The following PLA2G5 variants were observed in gnomAD, a reference collection of about 807,000 sequenced individuals.
The protein encoded by PLA2G5 is phospholipase A2 group V.
PLA2G5 carries 12 observed loss-of-function variants against 15.9 expected under a neutral mutation model. The observed-to-expected ratio is 0.76, with a 90% CI of 0.48 to 1.23. The LOEUF (loss-of-function observed/expected upper bound fraction) is 1.23, where lower values mean the gene tolerates loss of function less well. Ranked by LOEUF, PLA2G5 falls within the 50% of genes most tolerant of loss-of-function variation. The pLI is 0.00. For synonymous variants in PLA2G5, 71 were observed against 71.4 expected (o/e 0.99, Z 0.03); for missense variants, 169 against 177.1 (o/e 0.95, Z 0.26).
At position 20,070,228 on chromosome 1, in the gene PLA2G5, T is replaced by C. The variant is rs1261624730; in HGVS notation, c.-248T>C. 4 of 985,264 alleles carry C rather than the reference T, an allele frequency of 4.1e-6. No homozygotes were observed. Among genetic ancestry groups the C allele is most frequent in the African/African-American group, 3.5e-5 (2 of 57,134 alleles). 61.0% of individuals were successfully genotyped at this position (985,264 alleles called of 1,614,324 possible). A position where few individuals can be genotyped will look rare whatever the true frequency, so the allele number is the denominator to read the frequency against. ...CTGAGCAGGGTTCTACCCGGCTGGG[T>C]CCAGGCAGAAGTTTTTCCTCCCCAC... is the stretch of plus-strand genomic sequence containing the variant. On this transcript the variant is annotated 5_prime_UTR_variant, in exon 1 of 5. Transcript: ENST00000375108.
At chr1:20,057,303 A>G (rs1014493773) in intron 1 of PLA2G5, among the ~76,000 whole-genome samples, 64 of 149,282 alleles carry the variant, frequency 4.3e-4, no homozygotes, top group African/African-American at 1.5e-3. Flanking sequence ...AGAAGCTTAG[A>G]TTATTGGTTT....
Position 20,048,748 on chromosome 1 carries a change from G to T in PLA2G5, n.277-10884G>T, listed in dbSNP as rs570496066. The stretch of plus-strand genomic sequence containing the variant: ...GGGTCTGTTATAATTTTGCAGTGGT[G>T]GTTCCATAAGTTTAAATGATGACTA... On this transcript the variant is annotated intron_variant and non_coding_transcript_variant, in intron 1 of 6. Transcript: ENST00000460175. Among the ~76,000 whole-genome samples the T allele has an allele frequency of 4.3e-4, 66 of 152,196 alleles. 1 individual carries two copies. In the South Asian group the frequency reaches 0.014, roughly 32 times the overall value.
chr1:20,032,686 C>A (rs2013024599), intron 1 of PLA2G5, among the ~76,000 whole-genome samples: 1 of 152,074 alleles, frequency 6.6e-6, no homozygotes, highest in African/African-American at 2.4e-5. Context: ...TACAGAAGGT[C>A]CTGGAACTTG....
intron 1 of PLA2G5, among the ~76,000 whole-genome samples, chr1:20,052,233 T>C (rs963044256): frequency 6.8e-6 from 1 of 147,008 alleles, no homozygotes; most frequent in Non-Finnish European, 1.5e-5. Flanking sequence ...TTTCAAAAAA[T>C]ATAGTACACC....
intron 1 of PLA2G5, among the ~76,000 whole-genome samples, chr1:20,059,204 A>G (rs927355570): frequency 1.9e-4 from 29 of 151,746 alleles, no homozygotes; most frequent in Non-Finnish European, 3.2e-4. Flanking sequence ...AGACCAAGGC[A>G]GGAGGATCGC....
At chr1:20,062,353 C>T (rs532131054) in intron 2 of PLA2G5, among the ~76,000 whole-genome samples, 23 of 152,318 alleles carry the variant, frequency 1.5e-4, no homozygotes, top group African/African-American at 5.1e-4. Flanking sequence ...CCACATCCCA[C>T]GCCAGAAAGA....
intron 1 of PLA2G5, among the ~76,000 whole-genome samples, chr1:20,080,890 C>T (rs1044162171): frequency 1.3e-5 from 2 of 151,876 alleles, no homozygotes; most frequent in African/African-American, 4.9e-5. Flanking sequence ...AGACACCTGG[C>T]CCCCTTGGTC....
At chr1:20,082,463 A>G (rs1019265997) in intron 1 of PLA2G5, among the ~76,000 whole-genome samples, 8 of 151,932 alleles carry the variant, frequency 5.3e-5, no homozygotes, top group Non-Finnish European at 1.0e-4. Context: ...CTTCATGCAC[A>G]TGTGTGAGCC....
intron 1 of PLA2G5, among the ~76,000 whole-genome samples, chr1:20,041,009 G>A (rs181653257): frequency 3.4e-4 from 52 of 152,314 alleles, no homozygotes; most frequent in African/African-American, 1.1e-3. Context: ...AACAAACTGT[G>A]CTCTGACTAC....
intron 1 of PLA2G5, among the ~76,000 whole-genome samples, chr1:20,058,809 A>G (rs2014563518): frequency 6.6e-6 from 1 of 152,134 alleles, no homozygotes; most frequent in African/African-American, 2.4e-5. Context: ...GAGGCTGAAG[A>G]TATTAGTAGC....
At chr1:20,073,918 T>C (rs536199825) in intron 1 of PLA2G5, among the ~76,000 whole-genome samples, 1 of 151,666 alleles carries the variant, frequency 6.6e-6, no homozygotes, top group South Asian at 2.1e-4. Flanking sequence ...GCTAATAATA[T>C]AACAAAGAAC....
chr1:20,089,942 T>C (rs773343478), intron 4 of PLA2G5, 47 bp downstream of exon 4: 1 of 1,397,034 alleles, frequency 7.2e-7, no homozygotes, highest in South Asian at 1.3e-5. Flanking sequence ...GCACCTGACT[T>C]TAAGTTCAGC....
chr1:20,086,033 G>A, intron 2 of PLA2G5, 50 bp from the exon 3 acceptor site: 1 of 1,606,744 alleles, frequency 6.2e-7, no homozygotes, highest in South Asian at 1.1e-5. Flanking sequence ...TGGGCCTAAA[G>A]CAGGGCTGGG....
At chr1:20,061,727 T>C (rs960958520) in intron 2 of PLA2G5, among the ~76,000 whole-genome samples, 4 of 152,048 alleles carry the variant, frequency 2.6e-5, no homozygotes, top group African/African-American at 9.7e-5. Flanking sequence ...GTAACCCACC[T>C]CCTATCCTTC....
At chr1:20,056,092 C>T (rs1397942586) in intron 1 of PLA2G5, among the ~76,000 whole-genome samples, 8 of 152,160 alleles carry the variant, frequency 5.3e-5, no homozygotes, top group Non-Finnish European at 8.8e-5. Flanking sequence ...TCCCTCTTTC[C>T]CCTTCTTTTA....
chr1:20,070,628 C>G (rs2015315064), intron 1 of PLA2G5, among the ~76,000 whole-genome samples, 163 bp downstream of exon 1: 1 of 152,162 alleles, frequency 6.6e-6, no homozygotes, highest in Non-Finnish European at 1.5e-5. Context: ...CTGCTAGGGT[C>G]CTTCACCTGT....
At chr1:20,069,054 T>C (rs1475345235), upstream of PLA2G5, 2 of 595,786 alleles carry the variant, frequency 3.4e-6, no homozygotes, top group Non-Finnish European at 5.6e-6. Flanking sequence ...AATGCTCAGT[T>C]GCACCAACAG....
chr1:20,029,332 T>C (rs2012759966), intron 1 of PLA2G5, among the ~76,000 whole-genome samples: 1 of 151,116 alleles, frequency 6.6e-6, no homozygotes, highest in Admixed American at 6.6e-5. Context: ...CAGCCACCCG[T>C]GTGTTCCTCC....
chr1:20,048,735 A>G (rs1283633563), intron 1 of PLA2G5, among the ~76,000 whole-genome samples: 1 of 152,196 alleles, frequency 6.6e-6, no homozygotes, highest in Non-Finnish European at 1.5e-5. Flanking sequence ...GTCTGTTATA[A>G]TTTTGCAGTG....
Sources: allele counts gnomAD v4.1 joint callset (sites outside exome capture counted in the v4.1 genomes callset), GRCh38; gene constraint gnomAD v4.1.1; transcripts MANE v1.5; gene names NCBI Gene and HGNC (gene_info 2026-07-23, HGNC 2026-07-21).